KMT5A: variants seen among roughly 807,000 people sequenced by gnomAD.
KMT5A encodes the protein N-lysine methyltransferase KMT5A.
KMT5A carries 6 observed loss-of-function variants against 40.6 expected under a neutral mutation model. The ratio of observed to expected loss-of-function variants is 0.15; its 90% confidence interval spans 0.08 to 0.29. The LOEUF is 0.29. Among genes scored for constraint, KMT5A ranks in the 10% least tolerant of loss-of-function variants. The pLI is 1.00. For synonymous variants in KMT5A, 153 were observed against 178.8 expected, an observed-to-expected ratio of 0.86 and a Z score of 1.15; for missense variants, 308 against 459.1, an observed-to-expected ratio of 0.67 and a Z score of 3.01.
chr12:123,404,827 G>A (rs1490110709), intron 6 of KMT5A, 57 bp from the exon 7 acceptor site: 1 of 1,547,414 alleles, frequency 6.5e-7, no homozygotes, highest in Admixed American at 1.8e-5. Context: ...GAGACCTGCT[G>A]TGCACAGTGG....
intron 1 of KMT5A, 37 bp from the exon 2 acceptor site, chr12:123,389,396 G>C (rs1204788101): frequency 5.8e-6 from 6 of 1,031,690 alleles, no homozygotes; most frequent in Non-Finnish European, 7.0e-6. Flanking sequence ...CGCCCTGAGC[G>C]CCCCCTCCCC....
chr12:123,407,481 C>T lies in KMT5A; in HGVS notation c.849-12C>T. ...ATCCATTTAATCCTCTCTGGCCCTC[C>T]TTCCCCTCCAGCGTGGATGCAACTA... On this transcript the variant is annotated splice_polypyrimidine_tract_variant and intron_variant, in intron 7 of 7. Transcript: ENST00000402868. The T allele has an allele frequency of 6.2e-7, 1 of 1,613,760 alleles. No individual in the cohort carries two copies. Among genetic ancestry groups the T allele is most frequent in the Non-Finnish European group, 8.5e-7 (1 of 1,179,700 alleles).
chr12:123,404,459 G>A (rs1205645973), intron 6 of KMT5A, among the ~76,000 whole-genome samples: 1 of 152,188 alleles, frequency 6.6e-6, no homozygotes, highest in Non-Finnish European at 1.5e-5. Flanking sequence ...GCCTAGGAAG[G>A]CATAGCGCAT....
chr12:123,394,344 C>A (rs1410486792), intron 3 of KMT5A, among the ~76,000 whole-genome samples: 1 of 152,144 alleles, frequency 6.6e-6, no homozygotes, highest in Non-Finnish European at 1.5e-5. Context: ...CTCAGGTGAT[C>A]CGCCAGCCTC....
intron 5 of KMT5A, among the ~76,000 whole-genome samples, chr12:123,398,687 C>T (rs1380094923): frequency 6.6e-6 from 1 of 152,180 alleles, no homozygotes; most frequent in African/African-American, 2.4e-5. Flanking sequence ...CTGGCCAGGG[C>T]AGGGAGGCCA....
rs1458549737 is a variant in KMT5A, at chr12:123,389,532, CG to C, written c.114del (p.Arg39GlyfsTer20). 5 of 1,107,772 alleles carry C rather than the reference CG, an allele frequency of 4.5e-6. No homozygotes were observed. The highest frequency in any genetic ancestry group is 5.5e-6 in the Non-Finnish European group (5 of 912,520). The allele number at this position is 1,107,772 out of a possible 1,614,324, so 68.6% of individuals were successfully genotyped here. A position where few individuals can be genotyped will look rare whatever the true frequency, so the allele number is the denominator to read the frequency against. On this transcript the variant is annotated frameshift_variant, in exon 2 of 8. Transcript: ENST00000402868. LOFTEE classifies it high-confidence loss of function. ...PGPEMVERRG[P>X]GRPRTDGENV... is the part of the protein sequence containing the mutation. ...CCGGAGATGGTGGAGCGGAGGGGCC[CG>C]GGGAGGCCCCGCACCGACGGGGTAA...
In KMT5A at chr12:123,408,674, G is replaced by C. The variant is rs1457408880; in HGVS notation, c.*971G>C. On this transcript the variant is annotated 3_prime_UTR_variant, in exon 8 of 8. Coordinates refer to ENST00000402868, the MANE Select transcript of KMT5A (RefSeq NM_020382.7). Reference sequence around the variant, plus strand: ...TAGTGGGACCAGAAATTACTTACCTGACATCCACCCCCATTCCCCCTCATC... The same window carrying C: ...TAGTGGGACCAGAAATTACTTACCTCACATCCACCCCCATTCCCCCTCATC... The C allele has an allele frequency of 6.9e-6, 1 of 145,960 alleles. No individual in the cohort carries two copies. Among genetic ancestry groups the C allele is most frequent in the African/African-American group, 2.5e-5 (1 of 39,374 alleles). The allele number at this position is 145,960 out of a possible 1,614,324, so 9.0% of individuals were successfully genotyped here. A position where few individuals can be genotyped will look rare whatever the true frequency, so the allele number is the denominator to read the frequency against.
At chr12:123,390,482 C>T in intron 2 of KMT5A, 148 bp from the exon 3 acceptor site, 1 of 948,094 alleles carries the variant, frequency 1.1e-6, no homozygotes. Flanking sequence ...CAGTGCTCTC[C>T]TGAGACAATG....
chr12:123,389,633 C>T, intron 2 of KMT5A, 79 bp downstream of exon 2: 1 of 984,668 alleles, frequency 1.0e-6, no homozygotes, highest in Non-Finnish European at 1.2e-6. Context: ...CCCCGGGTAC[C>T]CGCCCGGGGC....
Position 123,384,340 on chromosome 12 carries a change from G to A in KMT5A, c.10+132G>A. On this transcript the variant is annotated intron_variant, in intron 1 of 7. Coordinates refer to ENST00000402868, the MANE Select transcript of KMT5A (RefSeq NM_020382.7). This position sits in a 1 kb window ranked among gnomAD's most constrained non-coding sequence, Gnocchi z 5.7. ...TCGGGGCAAGCTTGGGGACCCGCGTGGGGGGAGAGGGGGTGCTGCTGCGGA... is the reference window on the plus strand; with the variant it reads ...TCGGGGCAAGCTTGGGGACCCGCGTAGGGGGAGAGGGGGTGCTGCTGCGGA... The A allele has an allele frequency of 8.1e-7, 1 of 1,227,810 alleles. No homozygotes were observed. Among genetic ancestry groups the A allele is most frequent in the South Asian group, 1.3e-5 (1 of 74,836 alleles). 76.1% of individuals were successfully genotyped at this position (1,227,810 alleles called of 1,614,324 possible). A position where few individuals can be genotyped will look rare whatever the true frequency, so the allele number is the denominator to read the frequency against.
chr12:123,401,463 T>C (rs1300945935), intron 5 of KMT5A, among the ~76,000 whole-genome samples: 4 of 152,230 alleles, frequency 2.6e-5, no homozygotes, highest in African/African-American at 4.8e-5. Flanking sequence ...TTCTTGACCC[T>C]TATCTTTCAT....
intron 5 of KMT5A, among the ~76,000 whole-genome samples, chr12:123,402,889 C>G (rs966327202): frequency 3.9e-5 from 6 of 152,190 alleles, no homozygotes; most frequent in Non-Finnish European, 8.8e-5. Context: ...AAGGGCACAG[C>G]CTCTGATCTG....
chr12:123,398,219 T>C (rs566241292), intron 5 of KMT5A, among the ~76,000 whole-genome samples: 80 of 151,916 alleles, frequency 5.3e-4, no homozygotes, highest in African/African-American at 1.9e-3. Context: ...GAGACGGTAG[T>C]TGCAGTGAGC....
chr12:123,397,885 C>T (rs1454521433), intron 5 of KMT5A, among the ~76,000 whole-genome samples: 1 of 151,344 alleles, frequency 6.6e-6, no homozygotes, highest in African/African-American at 2.4e-5. Flanking sequence ...GTTGGTCAGG[C>T]TGGTCTCGAA....
chr12:123,405,524 T>C, intron 7 of KMT5A, among the ~76,000 whole-genome samples: 1 of 135,226 alleles, frequency 7.4e-6, no homozygotes, highest in Admixed American at 7.6e-5. Context: ...TTCCTTTTTT[T>C]TTTTTTTTTT....
chr12:123,395,959 C>T (rs1380142751), intron 4 of KMT5A, among the ~76,000 whole-genome samples: 1 of 152,194 alleles, frequency 6.6e-6, no homozygotes, highest in Non-Finnish European at 1.5e-5. Context: ...GATCCTCCTA[C>T]TTCAGCCTCC....
chr12:123,395,679 C>T (rs1271928724), intron 4 of KMT5A, among the ~76,000 whole-genome samples: 1 of 151,922 alleles, frequency 6.6e-6, no homozygotes, highest in Non-Finnish European at 1.5e-5. Context: ...ATTCCCCTGC[C>T]TCAGCCTCCT....
intron 3 of KMT5A, among the ~76,000 whole-genome samples, chr12:123,393,333 A>G (rs901253572): frequency 3.9e-5 from 6 of 152,090 alleles, no homozygotes; most frequent in Admixed American, 1.3e-4. Context: ...ATCACCCCAG[A>G]AAGGTACCCA....
intron 1 of KMT5A, among the ~76,000 whole-genome samples, chr12:123,386,722 A>G (rs1566070812): frequency 6.6e-6 from 1 of 152,182 alleles, no homozygotes; most frequent in Admixed American, 6.6e-5. Context: ...TATTAGTCTC[A>G]GGGGTCAGTC....
Sources: gnomAD v4.1 joint callset for allele counts (sites outside exome capture counted in the v4.1 genomes callset) on GRCh38, gnomAD v4.1.1 for gene constraint, Gnocchi (gnomAD v3.1) non-coding constraint, MANE v1.5 for transcripts, NCBI Gene and HGNC (gene_info 2026-07-23, HGNC 2026-07-21) for gene names.